PSMA8: variants seen among roughly 807,000 people sequenced by gnomAD.
PSMA8 encodes the protein proteasome subunit alpha-type 8.
PSMA8 carries 18 observed loss-of-function variants against 32.4 expected under a neutral mutation model. The ratio of observed to expected loss-of-function variants is 0.56; its 90% CI spans 0.38 to 0.82. The LOEUF (loss-of-function observed/expected upper bound fraction) is 0.82, where lower values mean the gene tolerates loss of function less well. Among genes scored for constraint, PSMA8 ranks in the 40% least tolerant of loss-of-function variants. The probability of loss-of-function intolerance (pLI) is 0.00; values close to 1 mark genes in which losing one functional copy is unlikely to be tolerated. For synonymous variants in PSMA8, 104 were observed against 98.1 expected, an observed-to-expected ratio of 1.06 and a Z score of -0.36; for missense variants, 298 against 300.7, an observed-to-expected ratio of 0.99 and a Z score of 0.07.
intron 1 of PSMA8, among the ~76,000 whole-genome samples, chr18:26,138,083 G>C (rs538798494): frequency 6.6e-6 from 1 of 152,308 alleles, no homozygotes; most frequent in African/African-American, 2.4e-5. Context: ...GCCAGATCAT[G>C]GAATGCCATT....
At chr18:26,166,299 A>G (rs2055179561) in intron 4 of PSMA8, among the ~76,000 whole-genome samples, 2 of 151,648 alleles carry the variant, frequency 1.3e-5, no homozygotes, top group Admixed American at 1.3e-4. Context: ...GGTAAAAACT[A>G]TTTTCCTAAT....
chr18:26,149,233 C>G (rs1159295699), intron 2 of PSMA8, among the ~76,000 whole-genome samples: 2 of 152,074 alleles, frequency 1.3e-5, no homozygotes, highest in Non-Finnish European at 2.9e-5. Context: ...GAATAAAATA[C>G]TTATTGGGAA....
At chr18:26,149,254 G>A (rs1455913520) in intron 2 of PSMA8, among the ~76,000 whole-genome samples, 1 of 152,146 alleles carries the variant, frequency 6.6e-6, no homozygotes, top group Non-Finnish European at 1.5e-5. Flanking sequence ...TGAATTTAAG[G>A]AGGCAAAAGA....
At chr18:26,185,512 G>A (rs1268620968) in intron 6 of PSMA8, among the ~76,000 whole-genome samples, 1 of 150,640 alleles carries the variant, frequency 6.6e-6, no homozygotes, top group African/African-American at 2.5e-5. Flanking sequence ...TATAGGAGAG[G>A]GAGAACTTCC....
intron 3 of PSMA8, among the ~76,000 whole-genome samples, chr18:26,152,831 C>T (rs1343289332): frequency 6.6e-6 from 1 of 152,170 alleles, no homozygotes; most frequent in Non-Finnish European, 1.5e-5. Context: ...GGCTCAATCT[C>T]TTGCTCTCTC....
chr18:26,154,850 C>T (rs1405727740), intron 3 of PSMA8, among the ~76,000 whole-genome samples: 1 of 152,034 alleles, frequency 6.6e-6, no homozygotes, highest in African/African-American at 2.4e-5. Context: ...TTCCTGACCT[C>T]GTGATCTACC....
At chr18:26,135,292 C>A (rs2054903079) in intron 1 of PSMA8, among the ~76,000 whole-genome samples, 2 of 152,144 alleles carry the variant, frequency 1.3e-5, no homozygotes, top group African/African-American at 4.8e-5. Flanking sequence ...TATTTTTATT[C>A]TCTCAATTTC....
At chr18:26,158,788 A>C (rs1366423372) in intron 4 of PSMA8, among the ~76,000 whole-genome samples, 1 of 152,194 alleles carries the variant, frequency 6.6e-6, no homozygotes, top group African/African-American at 2.4e-5. Flanking sequence ...GACTTTGTTT[A>C]ATGGTGCACT....
intron 4 of PSMA8, among the ~76,000 whole-genome samples, chr18:26,176,898 A>C (rs2055268389): frequency 6.6e-6 from 1 of 152,132 alleles, no homozygotes; most frequent in South Asian, 2.1e-4. Context: ...ACGCCATTGC[A>C]CTCCAGCCTG....
At chr18:26,143,823 G>A (rs1170148829) in intron 1 of PSMA8, among the ~76,000 whole-genome samples, 1 of 152,084 alleles carries the variant, frequency 6.6e-6, no homozygotes, top group Non-Finnish European at 1.5e-5. Context: ...CTGGGTTCCA[G>A]CGATTCTCCT....
rs760005369 is a variant in PSMA8 at position 26,192,399 on chromosome 18, GA to G, written c.744del (p.Lys248AsnfsTer6). The G allele has an allele frequency of 2.0e-6, 3 of 1,531,748 alleles. No individual in the cohort carries two copies. Among genetic ancestry groups the G allele is most frequent in the Middle Eastern group, 3.4e-4 (2 of 5,880 alleles). The allele number at this position is 1,531,748 out of a possible 1,614,324, so 94.9% of individuals were successfully genotyped here. On this transcript the variant is annotated frameshift_variant, in exon 7 of 7. Coordinates refer to ENST00000415576, the MANE Select transcript of PSMA8 (RefSeq NM_001025096.2). LOFTEE classifies it high-confidence loss of function. ...AAGAAGCAGAGAAGAAAAAATCAAA[GA>G]AATCTGTCTAATTCTTAGGATGACC... Reference protein sequence around the residue: ...KEEAEKKKSKKSV With the variant: ...KEEAEKKKSKXSV
intron 4 of PSMA8, among the ~76,000 whole-genome samples, chr18:26,164,980 C>T (rs553794952): frequency 6.6e-6 from 1 of 151,972 alleles, no homozygotes; most frequent in South Asian, 2.1e-4. Context: ...TGCAATGGTA[C>T]CATCTCGGCT....
chr18:26,144,695 G>A lies in PSMA8; in HGVS notation c.229+10G>A. 1.2e-5 allele frequency: 19 copies of A among 1,613,328 alleles called. 1 individual carries two copies. Among genetic ancestry groups the A allele is most frequent in the African/African-American group, 8.0e-5 (6 of 74,978 alleles). ...TGCATGGCTTTTGCAGGTACTTAAGGTCCTACAATAATGATGCATAGTGTC... is the reference window on the plus strand; with the variant it reads ...TGCATGGCTTTTGCAGGTACTTAAGATCCTACAATAATGATGCATAGTGTC... On this transcript the variant is annotated intron_variant, in intron 2 of 6. Transcript: ENST00000415576.
At chr18:26,186,493 C>T (rs539477762) in intron 6 of PSMA8, among the ~76,000 whole-genome samples, 15 of 152,080 alleles carry the variant, frequency 9.9e-5, no homozygotes, top group Admixed American at 8.5e-4. Flanking sequence ...ATGCCTCTAC[C>T]CCTTATTCTT....
rs2055412397 is a variant in PSMA8 at position 26,192,473 on chromosome 18, T to C, written c.*62T>C. Reference sequence around the variant, plus strand: ...TTTTATTGTACTGCCTGAGGTTGTTTAGTGAAATTTTAGAGGAAAACAGTT... The same window carrying C: ...TTTTATTGTACTGCCTGAGGTTGTTCAGTGAAATTTTAGAGGAAAACAGTT... On this transcript the variant is annotated 3_prime_UTR_variant, in exon 7 of 7. Coordinates refer to ENST00000415576, the MANE Select transcript of PSMA8 (RefSeq NM_001025096.2). 27 of 1,466,194 alleles carry C rather than the reference T, an allele frequency of 1.8e-5. 1 individual carries two copies. The South Asian group carries it at 4.0e-4, about 22-fold the overall frequency. 90.8% of individuals were successfully genotyped at this position (1,466,194 alleles called of 1,614,324 possible). A position where few individuals can be genotyped will look rare whatever the true frequency, so the allele number is the denominator to read the frequency against.
intron 4 of PSMA8, chr18:26,170,985 G>C: frequency 6.4e-7 from 1 of 1,556,410 alleles, no homozygotes; most frequent in South Asian, 1.1e-5. Flanking sequence ...TGGTTGTTCA[G>C]TAAGTTTTAA....
chr18:26,173,485 C>T (rs1287460328), intron 4 of PSMA8, among the ~76,000 whole-genome samples: 2 of 151,866 alleles, frequency 1.3e-5, no homozygotes, highest in African/African-American at 2.4e-5. Context: ...TACATATTTC[C>T]TTGTTTACCT....
chr18:26,166,777 TAAGGAAACAACTGACAGTTGTTTC>T (rs2055183763), intron 4 of PSMA8, among the ~76,000 whole-genome samples: 1 of 152,186 alleles, frequency 6.6e-6, no homozygotes, highest in Non-Finnish European at 1.5e-5. Context: ...CCTGTTACTT[TAAGGAAACAACTGACAGTTGTTTC>T]CAATGATTTG....
At chr18:26,173,620 G>T (rs536549523) in intron 4 of PSMA8, among the ~76,000 whole-genome samples, 165 of 151,016 alleles carry the variant, frequency 1.1e-3, no homozygotes, top group Middle Eastern at 6.8e-3. Context: ...GCAATGGCAC[G>T]ATCTGGGCTC....
Sources: gnomAD v4.1 joint callset for allele counts (sites outside exome capture counted in the v4.1 genomes callset) on GRCh38, gnomAD v4.1.1 for gene constraint, MANE v1.5 for transcripts, NCBI Gene and HGNC (gene_info 2026-07-23, HGNC 2026-07-21) for gene names.